DNAH6: variants seen among roughly 807,000 people sequenced by gnomAD.
DNAH6 encodes axonemal beta dynein heavy chain 6.
In DNAH6, 340 loss-of-function variants were observed where a neutral mutation model predicts 491.4. The ratio of observed to expected loss-of-function variants is 0.69; its 90% CI spans 0.63 to 0.76. The LOEUF (loss-of-function observed/expected upper bound fraction) is 0.76. DNAH6 is among the 30% of genes least tolerant of loss of function. The probability of loss-of-function intolerance (pLI) is 0.00; values close to 1 mark genes in which losing one functional copy is unlikely to be tolerated. For synonymous variants in DNAH6, 1,603 were observed against 1,686.1 expected, an observed-to-expected ratio of 0.95 and a Z score of 1.21; for missense variants, 4,443 against 4,972.2, an observed-to-expected ratio of 0.89 and a Z score of 3.20.
chr2:84,750,408 C>G (rs187322360), intron 63 of DNAH6, among the ~76,000 whole-genome samples: 173 of 152,174 alleles, frequency 1.1e-3, no homozygotes, highest in Non-Finnish European at 1.0e-3. Flanking sequence ...TGGTCTTGAA[C>G]TCCTGAGCTC....
chr2:84,805,818 G>C, intron 71 of DNAH6, 24 bp downstream of exon 71: 1 of 1,538,350 alleles, frequency 6.5e-7, no homozygotes, highest in Non-Finnish European at 8.8e-7. Context: ...CTAGGAATCT[G>C]TATGTAATGG....
rs370148736 is a variant in DNAH6 at position 84,640,610 on chromosome 2, C to A, written c.4970+32C>A. 116 of 1,529,810 alleles carry A rather than the reference C, an allele frequency of 7.6e-5. No individual in the cohort carries two copies. The East Asian group carries it at 1.5e-3, about 20-fold the overall frequency. 94.8% of individuals were successfully genotyped at this position (1,529,810 alleles called of 1,614,324 possible). ...AACCAAAGTAGTCAAGAGTGAAATCCCAAACCATGTGATCAAATGCATTAA... is the reference window on the plus strand; with the variant it reads ...AACCAAAGTAGTCAAGAGTGAAATCACAAACCATGTGATCAAATGCATTAA... On this transcript the variant is annotated intron_variant, in intron 32 of 76. Transcript: ENST00000389394.
At chr2:84,685,538 G>C (rs1694182490) in intron 43 of DNAH6, 66 bp downstream of exon 43, 1 of 1,033,814 alleles carries the variant, frequency 9.7e-7, no homozygotes, top group South Asian at 3.1e-5. Flanking sequence ...TTTCTACAAA[G>C]AACAATTAAC....
chr2:84,681,295 TA>T, intron 41 of DNAH6, 61 bp from the exon 42 acceptor site: 2 of 1,362,072 alleles, frequency 1.5e-6, no homozygotes, highest in Non-Finnish European at 2.0e-6. Context: ...CCGGAGTATT[TA>T]AAAGATAGAT....
At chr2:84,689,552 C>A (rs1694639143) in intron 45 of DNAH6, among the ~76,000 whole-genome samples, 1 of 152,144 alleles carries the variant, frequency 6.6e-6, no homozygotes, top group Admixed American at 6.6e-5. Context: ...GCTCCAAAAG[C>A]AAGTGCTGCA....
intron 10 of DNAH6, among the ~76,000 whole-genome samples, chr2:84,555,031 A>G (rs1315264485): frequency 6.6e-5 from 10 of 152,258 alleles, no homozygotes; most frequent in Admixed American, 6.5e-4. Flanking sequence ...TACCAAAATA[A>G]GATTTTATTT....
At chr2:84,504,969 A>G in the DNAH6 span, among the ~76,000 whole-genome samples, 2 of 152,216 alleles carry the variant, frequency 1.3e-5, no homozygotes, top group African/African-American at 2.4e-5. Context: ...TCTTAATAAT[A>G]GTAAGTTTTC....
intron 33 of DNAH6, among the ~76,000 whole-genome samples, chr2:84,650,022 C>T (rs1690281613): frequency 6.6e-6 from 1 of 151,812 alleles, no homozygotes; most frequent in African/African-American, 2.4e-5. Context: ...TGTTTTTTTC[C>T]CTGTTCATAA....
At chr2:84,490,657 G>A in the DNAH6 span, among the ~76,000 whole-genome samples, 1 of 152,168 alleles carries the variant, frequency 6.6e-6, no homozygotes, top group Non-Finnish European at 1.5e-5. Context: ...CACCTCCCGG[G>A]TTCAAGCAAT....
intron 29 of DNAH6, among the ~76,000 whole-genome samples, chr2:84,630,330 C>T (rs1420984340): frequency 6.6e-6 from 1 of 152,054 alleles, no homozygotes; most frequent in Non-Finnish European, 1.5e-5. Context: ...ACAACTTTGA[C>T]AATCAAAAAA....
chr2:84,600,918 G>T (rs1573173656), intron 18 of DNAH6, among the ~76,000 whole-genome samples: 1 of 146,802 alleles, frequency 6.8e-6, no homozygotes, highest in East Asian at 2.0e-4. Flanking sequence ...TTTGTATCCA[G>T]ATTTTCATTT....
chr2:84,757,166 C>A (rs1674113613), intron 63 of DNAH6, among the ~76,000 whole-genome samples: 3 of 152,104 alleles, frequency 2.0e-5, no homozygotes, highest in Admixed American at 2.0e-4. Context: ...GAGAATAGGA[C>A]AGAAAAATAT....
chr2:84,672,513 T>A (rs1692833058), intron 40 of DNAH6, 29 bp downstream of exon 40: 2 of 1,529,748 alleles, frequency 1.3e-6, no homozygotes, highest in Non-Finnish European at 1.8e-6. Flanking sequence ...TTACTTGGTG[T>A]GCTTAAATTT....
At chr2:84,587,758 C>T (rs915658124) in intron 15 of DNAH6, among the ~76,000 whole-genome samples, 1 of 152,184 alleles carries the variant, frequency 6.6e-6, no homozygotes, top group Admixed American at 6.5e-5. Flanking sequence ...CCACCATCCC[C>T]TCCTACCTAT....
At chr2:84,694,096 A>T (rs1370501915) in intron 45 of DNAH6, among the ~76,000 whole-genome samples, 153 bp from the exon 46 acceptor site, 1 of 152,182 alleles carries the variant, frequency 6.6e-6, no homozygotes, top group Non-Finnish European at 1.5e-5. Context: ...TGTTCACCAA[A>T]CCCTGGCCTC....
At chr2:84,680,892 T>A (rs1220048144) in intron 41 of DNAH6, among the ~76,000 whole-genome samples, 1 of 152,086 alleles carries the variant, frequency 6.6e-6, no homozygotes, top group Non-Finnish European at 1.5e-5. Context: ...TAGGAGGGAA[T>A]GGCCAGCTAC....
At chr2:84,569,949 A>G (rs756708736) in intron 11 of DNAH6, among the ~76,000 whole-genome samples, 4 of 152,056 alleles carry the variant, frequency 2.6e-5, no homozygotes, top group Admixed American at 2.0e-4. Flanking sequence ...TTGTGATTGT[A>G]TGTGGGGTGT....
At chr2:84,556,988 A>T (rs1680096582) in intron 10 of DNAH6, among the ~76,000 whole-genome samples, 1 of 152,256 alleles carries the variant, frequency 6.6e-6, no homozygotes, top group African/African-American at 2.4e-5. Flanking sequence ...TTAGTTATTA[A>T]TATGAGAAAT....
intron 68 of DNAH6, among the ~76,000 whole-genome samples, chr2:84,790,098 C>G (rs906474898): frequency 1.3e-5 from 2 of 151,998 alleles, no homozygotes; most frequent in Non-Finnish European, 2.9e-5. Context: ...GTTGAGAATC[C>G]AAAAATGACC....
Sources: gnomAD v4.1 joint callset for allele counts (sites outside exome capture counted in the v4.1 genomes callset) on GRCh38, gnomAD v4.1.1 for gene constraint, MANE v1.5 for transcripts, NCBI Gene and HGNC (gene_info 2026-07-23, HGNC 2026-07-21) for gene names.